RGS7: variants seen among roughly 807,000 people sequenced by gnomAD.
RGS7 encodes the protein regulator of G protein signaling 7, also known as regulator of G-protein signaling 7.
In RGS7, 27 loss-of-function variants were observed where a neutral mutation model predicts 81.1. That is an observed-to-expected ratio of 0.33 (90% CI 0.25 to 0.46). The LOEUF (loss-of-function observed/expected upper bound fraction) is 0.46, where lower values mean the gene tolerates loss of function less well. Among genes scored for constraint, RGS7 ranks in the 20% least tolerant of loss-of-function variants. The pLI is 1.00. For synonymous variants in RGS7, 208 were observed against 207.7 expected, an observed-to-expected ratio of 1.00 and a Z score of -0.01; for missense variants, 396 against 607.4, an observed-to-expected ratio of 0.65 and a Z score of 3.66.
chr1:241,060,465 T>C (rs1430183625), intron 3 of RGS7, among the ~76,000 whole-genome samples: 1 of 152,116 alleles, frequency 6.6e-6, no homozygotes, highest in Non-Finnish European at 1.5e-5. Flanking sequence ...TCAACCTTTT[T>C]TTTCTCCCCC....
intron 3 of RGS7, among the ~76,000 whole-genome samples, chr1:241,078,478 G>T: frequency 1.3e-5 from 1 of 77,556 alleles, no homozygotes; most frequent in African/African-American, 9.4e-5. Flanking sequence ...ACACACACAC[G>T]TAAGTTATGT....
At chr1:241,182,164 T>C (rs1313662428) in intron 2 of RGS7, among the ~76,000 whole-genome samples, 1 of 152,164 alleles carries the variant, frequency 6.6e-6, no homozygotes, top group Non-Finnish European at 1.5e-5. Flanking sequence ...TTCACGTCCC[T>C]GAACTGGATC....
chr1:240,811,989 T>C lies in RGS7; in HGVS notation c.1011A>G (p.Ala337=). Reference sequence around the variant, plus strand: ...GTTCTCTCCCAACTGGGTCTTTCAATGCCTCGTCCATGCCAAAACCCCATC... The same window carrying C: ...GTTCTCTCCCAACTGGGTCTTTCAACGCCTCGTCCATGCCAAAACCCCATC... The part of the protein sequence containing the change: ...VKRWGFGMDE[A]LKDPVGREQF... Residue 337 remains alanine, a synonymous_variant, in exon 14 of 19, where the codon GCA becomes GCG. Transcript: ENST00000440928. 6.2e-7 allele frequency: 1 copy of C among 1,614,166 alleles called. No individual in the cohort carries two copies. The highest frequency in any genetic ancestry group is 8.5e-7 in the Non-Finnish European group (1 of 1,179,986).
chr1:240,811,477 TG>T (rs1182353937), intron 14 of RGS7, among the ~76,000 whole-genome samples: 1 of 152,250 alleles, frequency 6.6e-6, no homozygotes, highest in Non-Finnish European at 1.5e-5. Flanking sequence ...CCCAATAGTT[TG>T]GTTTCAAGTT....
chr1:241,324,339 A>G (rs575919130), intron 2 of RGS7, among the ~76,000 whole-genome samples: 95 of 151,596 alleles, frequency 6.3e-4, no homozygotes, highest in African/African-American at 2.3e-3. Context: ...AAAGCAAAAA[A>G]AACAAAAAAA....
At chr1:240,876,900 G>A (rs902737063) in intron 6 of RGS7, among the ~76,000 whole-genome samples, 11 of 152,158 alleles carry the variant, frequency 7.2e-5, no homozygotes, top group Admixed American at 2.0e-4. Flanking sequence ...GGCAGAGGTT[G>A]CAGTGAGCCG....
rs992284478 is a variant in RGS7 at position 241,191,833 on chromosome 1, G to C, written c.79-93071C>G. Among the ~76,000 whole-genome samples, 13 of 152,258 alleles carry C rather than the reference G, an allele frequency of 8.5e-5. No individual in the cohort carries two copies. In the East Asian group the frequency reaches 2.3e-3, roughly 27 times the overall value. ...TGTTGGTTTACTTGTAATTTGTTTG[G>C]AATTGGCCTGCTTCATCTAAGTTGT... is the stretch of plus-strand genomic sequence containing the variant. On this transcript the variant is annotated intron_variant, in intron 2 of 18. Coordinates refer to ENST00000440928, the MANE Select transcript of RGS7 (RefSeq NM_001364886.1).
chr1:241,310,481 CTGTG>C (rs66482766), intron 2 of RGS7, among the ~76,000 whole-genome samples: 70,488 of 147,164 alleles, frequency 0.48, 17,377 homozygotes, highest in East Asian at 0.72. Context: ...GTCTGTGTGT[CTGTG>C]TGTGAGTGAG....
At chr1:240,991,724 G>A (rs1686489600) in intron 3 of RGS7, among the ~76,000 whole-genome samples, 2 of 152,190 alleles carry the variant, frequency 1.3e-5, no homozygotes, top group Admixed American at 1.3e-4. Flanking sequence ...CAAGTAATAA[G>A]TGTGTAAAAT....
intron 3 of RGS7, among the ~76,000 whole-genome samples, chr1:241,030,373 T>TATATATATATATATATACACAC (rs374223475): frequency 0.016 from 2,107 of 135,036 alleles, 109 homozygotes; most frequent in African/African-American, 0.048. Context: ...TATATATATA[T>TATATATATATATATATACACAC]ACATACACAC....
chr1:241,355,601 C>G, intron 2 of RGS7, 98 bp downstream of exon 2: 1 of 1,046,444 alleles, frequency 9.6e-7, no homozygotes, highest in Non-Finnish European at 1.5e-6. Context: ...GGGAAATCCA[C>G]AAGGCCACAA....
chr1:240,813,505 G>A, intron 13 of RGS7, 113 bp downstream of exon 13: 1 of 726,932 alleles, frequency 1.4e-6, no homozygotes, highest in Non-Finnish European at 2.5e-6. Context: ...ATAGGCCAAT[G>A]TAGATAAAGA....
At position 241,197,324 on chromosome 1, in the gene RGS7, G is replaced by A. The variant is rs562942556; in HGVS notation, c.79-98562C>T. ...GGCTGGAGTGCAGTGGCGGGATCTC[G>A]GCTCACTGCAAGCTCCGCCTCCCGG... On this transcript the variant is annotated intron_variant, in intron 2 of 18. Coordinates refer to ENST00000440928, the MANE Select transcript of RGS7 (RefSeq NM_001364886.1). Among the ~76,000 whole-genome samples, 292 of 40,674 alleles carry A rather than the reference G, an allele frequency of 7.2e-3. 128 individuals carry two copies. The highest frequency in any genetic ancestry group is 0.071 in the Middle Eastern group (5 of 70). The allele number at this position is 40,674 out of a possible 152,430, so 26.7% of individuals were successfully genotyped here. A position where few individuals can be genotyped will look rare whatever the true frequency, so the allele number is the denominator to read the frequency against.
chr1:240,837,498 T>C (rs1694917499), intron 9 of RGS7, among the ~76,000 whole-genome samples: 1 of 152,244 alleles, frequency 6.6e-6, no homozygotes, highest in Admixed American at 6.5e-5. Context: ...ATTTGCATTA[T>C]ACTGTTCCTC....
chr1:241,092,148 C>G (rs368387261), intron 3 of RGS7, among the ~76,000 whole-genome samples: 1 of 152,114 alleles, frequency 6.6e-6, no homozygotes. Context: ...CAAGAAACCA[C>G]GTGCTATTTC....
At chr1:241,171,075 AG>A (rs1185097683) in intron 2 of RGS7, among the ~76,000 whole-genome samples, 7 of 152,342 alleles carry the variant, frequency 4.6e-5, no homozygotes, top group Non-Finnish European at 8.8e-5. Context: ...TTGTGATAAT[AG>A]CCATGAGTCA....
At chr1:240,788,565 A>T (rs1033694841) in intron 18 of RGS7, among the ~76,000 whole-genome samples, 1 of 152,236 alleles carries the variant, frequency 6.6e-6, no homozygotes, top group African/African-American at 2.4e-5. Flanking sequence ...AGACTTTCTG[A>T]AAGATGGAGT....
At chr1:241,107,113 C>G (rs1199943429) in intron 2 of RGS7, among the ~76,000 whole-genome samples, 1 of 152,124 alleles carries the variant, frequency 6.6e-6, no homozygotes, top group Non-Finnish European at 1.5e-5. Flanking sequence ...ATAAGTGGGT[C>G]TCATAAGCAG....
At chr1:240,962,987 C>A (rs1681708535) in intron 4 of RGS7, among the ~76,000 whole-genome samples, 1 of 152,078 alleles carries the variant, frequency 6.6e-6, no homozygotes, top group Admixed American at 6.6e-5. Flanking sequence ...AGTTATTGAA[C>A]TTCAGAAGAG....
Sources: gnomAD v4.1 joint callset for allele counts (sites outside exome capture counted in the v4.1 genomes callset) on GRCh38, gnomAD v4.1.1 for gene constraint, MANE v1.5 for transcripts, NCBI Gene and HGNC (gene_info 2026-07-23, HGNC 2026-07-21) for gene names.